Variants in FBXO34 observed in about 807,000 individuals in gnomAD.
FBXO34 encodes F-box protein 34.
In FBXO34, 12 loss-of-function variants were observed where a neutral mutation model predicts 24.5. That is an observed-to-expected ratio of 0.49 (90% CI 0.31 to 0.79). FBXO34 has a LOEUF of 0.79. Among genes scored for constraint, FBXO34 ranks in the 30% least tolerant of loss-of-function variants. The probability of loss-of-function intolerance (pLI) is 0.04; values close to 1 mark genes in which losing one functional copy is unlikely to be tolerated. For missense variants in FBXO34, 823 were observed against 857.7 expected (o/e 0.96, Z 0.51); for synonymous variants, 320 against 311.9 (o/e 1.03, Z -0.27).
intron 1 of FBXO34, among the ~76,000 whole-genome samples, chr14:55,288,826 G>T (rs1052773602): frequency 6.6e-6 from 1 of 152,168 alleles, no homozygotes; most frequent in African/African-American, 2.4e-5. Context: ...TCAGGTGGGC[G>T]GATCACTTGA....
chr14:55,274,504 G>C (rs1421179010), intron 1 of FBXO34, among the ~76,000 whole-genome samples: 3 of 151,998 alleles, frequency 2.0e-5, no homozygotes, highest in Non-Finnish European at 4.4e-5. Flanking sequence ...TTTTGAGATT[G>C]GTTTATTATT....
At chr14:55,334,882 G>A (rs1418913038) in intron 1 of FBXO34, among the ~76,000 whole-genome samples, 1 of 152,232 alleles carries the variant, frequency 6.6e-6, no homozygotes, top group Non-Finnish European at 1.5e-5. Flanking sequence ...ATCCATTGGT[G>A]ACAAGATGGT....
At chr14:55,299,798 A>G (rs946990311) in intron 1 of FBXO34, among the ~76,000 whole-genome samples, 2 of 152,236 alleles carry the variant, frequency 1.3e-5, no homozygotes, top group Non-Finnish European at 2.9e-5. Context: ...CTAGCTTGCT[A>G]TGGAAATTTT....
At chr14:55,361,604 A>G (rs1320774431) in intron 3 of FBXO34, 1 of 152,222 alleles carries the variant, frequency 6.6e-6, no homozygotes, top group African/African-American at 2.4e-5. Flanking sequence ...CCTAGATGGT[A>G]TCTTCTTCCA....
At chr14:55,340,159 G>C (rs1438725500) in intron 1 of FBXO34, among the ~76,000 whole-genome samples, 3 of 152,140 alleles carry the variant, frequency 2.0e-5, no homozygotes, top group Non-Finnish European at 2.9e-5. Flanking sequence ...CCAAGTTGCT[G>C]GGAGTACGGG....
At chr14:55,376,107 G>A in the FBXO34 span, among the ~76,000 whole-genome samples, 2 of 152,162 alleles carry the variant, frequency 1.3e-5, no homozygotes, top group Non-Finnish European at 2.9e-5. Context: ...TACTACTGTG[G>A]AGTCAGCCAG....
At chr14:55,365,257 TCTCA>T (rs1351191326), downstream of FBXO34, among the ~76,000 whole-genome samples, 11 of 144,680 alleles carry the variant, frequency 7.6e-5, no homozygotes, top group Non-Finnish European at 1.5e-4. Context: ...AAAAATGGGG[TCTCA>T]CTATGTTGCG....
At chr14:55,336,961 C>A (rs1442340642) in intron 1 of FBXO34, among the ~76,000 whole-genome samples, 1 of 143,134 alleles carries the variant, frequency 7.0e-6, no homozygotes, top group African/African-American at 2.7e-5. Context: ...TAGGTCTCTT[C>A]ACTCTTTTTT....
rs371710800 is a variant in FBXO34 at position 55,321,410 on chromosome 14, C to CT, written c.-10-28958dup. ...TTTACTGAGACAACTTGCAATGTTT[C>CT]TTTTTTTTTTTTTGGAGACAGGGTC... On this transcript the variant is annotated intron_variant, in intron 1 of 1. Coordinates refer to ENST00000313833, the MANE Select transcript of FBXO34 (RefSeq NM_017943.4). Among the ~76,000 whole-genome samples the CT allele has an allele frequency of 5.5e-3, 794 of 144,020 alleles. 1 individual carries two copies. Among genetic ancestry groups the CT allele is most frequent in the African/African-American group, 0.015 (603 of 39,566 alleles). 94.5% of individuals were successfully genotyped at this position (144,020 alleles called of 152,430 possible). A position where few individuals can be genotyped will look rare whatever the true frequency, so the allele number is the denominator to read the frequency against.
chr14:55,315,686 T>C (rs777485775), intron 1 of FBXO34, among the ~76,000 whole-genome samples: 3 of 152,236 alleles, frequency 2.0e-5, no homozygotes, highest in Non-Finnish European at 4.4e-5. Context: ...TGTTTTCTAG[T>C]TTCTTCTATG....
At chr14:55,360,104 G>A (rs992200297) in intron 3 of FBXO34, among the ~76,000 whole-genome samples, 1 of 151,644 alleles carries the variant, frequency 6.6e-6, no homozygotes, top group African/African-American at 2.4e-5. Context: ...TTGGAGTCTC[G>A]CTCTGTCTCC....
At chr14:55,410,187 T>C in the FBXO34 span, among the ~76,000 whole-genome samples, 1 of 152,342 alleles carries the variant, frequency 6.6e-6, no homozygotes, top group South Asian at 2.1e-4. Context: ...GTTTGCCATA[T>C]TAAAATGAAG....
downstream of FBXO34, among the ~76,000 whole-genome samples, chr14:55,355,918 C>T (rs182938202): frequency 1.3e-5 from 2 of 152,300 alleles, no homozygotes; most frequent in East Asian, 3.9e-4. Context: ...TCTTGGAGGA[C>T]CTTGTCCTCT....
At chr14:55,342,840 T>C (rs1884035214) in intron 1 of FBXO34, among the ~76,000 whole-genome samples, 1 of 152,252 alleles carries the variant, frequency 6.6e-6, no homozygotes, top group African/African-American at 2.4e-5. Context: ...ATAGATGCTG[T>C]CAGAATTATT....
chr14:55,326,854 G>T (rs1191280282), intron 1 of FBXO34, among the ~76,000 whole-genome samples: 3 of 152,050 alleles, frequency 2.0e-5, no homozygotes, highest in Admixed American at 6.6e-5. Context: ...CAAAACAGTT[G>T]GTATAATTTT....
intron 1 of FBXO34, among the ~76,000 whole-genome samples, chr14:55,342,543 T>G (rs1275487343): frequency 2.0e-5 from 3 of 152,174 alleles, no homozygotes; most frequent in African/African-American, 4.8e-5. Flanking sequence ...TTTTTCTCCC[T>G]TTTTTCCTTT....
At chr14:55,338,594 C>G (rs1426130003) in intron 1 of FBXO34, among the ~76,000 whole-genome samples, 2 of 152,080 alleles carry the variant, frequency 1.3e-5, no homozygotes, top group Non-Finnish European at 2.9e-5. Flanking sequence ...ATCTCTAGCT[C>G]TACCTTGGTT....
chr14:55,342,581 G>C (rs1032521143), intron 1 of FBXO34, among the ~76,000 whole-genome samples: 1 of 152,118 alleles, frequency 6.6e-6, no homozygotes, highest in African/African-American at 2.4e-5. Flanking sequence ...GTGGGAGTTG[G>C]ATGCATTTTT....
At chr14:55,379,674 A>G in the FBXO34 span, among the ~76,000 whole-genome samples, 1 of 152,234 alleles carries the variant, frequency 6.6e-6, no homozygotes, top group Admixed American at 6.5e-5. Context: ...GGAGGGTAGT[A>G]GGAAGATTGT....
Sources: gnomAD v4.1 joint callset for allele counts (sites outside exome capture counted in the v4.1 genomes callset) on GRCh38, gnomAD v4.1.1 for gene constraint, MANE v1.5 for transcripts, NCBI Gene and HGNC (gene_info 2026-07-23, HGNC 2026-07-21) for gene names.